Variants in MAGI3 observed in about 807,000 individuals in gnomAD.
MAGI3 encodes membrane-associated guanylate kinase, WW and PDZ domain-containing protein 3.
MAGI3 carries 43 observed loss-of-function variants against 121.8 expected under a neutral mutation model. The observed-to-expected ratio is 0.35, with a 90% confidence interval of 0.28 to 0.46. The LOEUF is 0.46. MAGI3 is among the 20% of genes least tolerant of loss of function. MAGI3 has a pLI of 1.00. For missense variants in MAGI3, 1,547 were observed against 1,797.3 expected (o/e 0.86, Z 2.52); for synonymous variants, 553 against 639.3 (o/e 0.86, Z 2.04).
chr1:113,406,653 T>C (rs889366340), intron 1 of MAGI3, among the ~76,000 whole-genome samples: 1 of 152,064 alleles, frequency 6.6e-6, no homozygotes, highest in Non-Finnish European at 1.5e-5. Flanking sequence ...TGGCACAGGC[T>C]TATAGTCCCA....
At chr1:113,577,460 TGTG>T (rs1199794788) in intron 2 of MAGI3, among the ~76,000 whole-genome samples, 4 of 151,088 alleles carry the variant, frequency 2.6e-5, no homozygotes, top group Non-Finnish European at 5.9e-5. Flanking sequence ...AAAGGAGAAA[TGTG>T]GTGAGAAGTG....
intron 1 of MAGI3, among the ~76,000 whole-genome samples, chr1:113,468,863 T>A (rs918801759): frequency 6.8e-6 from 1 of 147,856 alleles, no homozygotes; most frequent in African/African-American, 2.5e-5. Flanking sequence ...ACAGTGCTAT[T>A]CTGACAGTGA....
At chr1:113,478,653 G>A (rs1655968121) in intron 1 of MAGI3, among the ~76,000 whole-genome samples, 1 of 152,164 alleles carries the variant, frequency 6.6e-6, no homozygotes, top group Non-Finnish European at 1.5e-5. Flanking sequence ...TATATGAGGT[G>A]GCTGTCGGCC....
In MAGI3 at chr1:113,415,089, A is replaced by G. The variant is rs984548691; in HGVS notation, c.316+23740A>G. On this transcript the variant is annotated intron_variant, in intron 1 of 20. Coordinates refer to ENST00000307546, the MANE Select transcript of MAGI3 (RefSeq NM_001142782.2). ...ATCTGAGGCAAATCTTTGCATTTAT[A>G]GAAACTAGAGCAACTTTAAATTCCA... Among the ~76,000 whole-genome samples the G allele has an allele frequency of 2.3e-4, 35 of 152,252 alleles. 1 individual carries two copies. The highest frequency in any genetic ancestry group is 5.9e-5 in the Non-Finnish European group (4 of 67,990).
intron 20 of MAGI3, 91 bp from the exon 21 acceptor site, chr1:113,682,803 TACG>T (rs1371202426): frequency 2.3e-5 from 33 of 1,455,518 alleles, no homozygotes; most frequent in Middle Eastern, 2.5e-4. Context: ...TTTAAGCAGT[TACG>T]ACAATTCAAA....
intron 2 of MAGI3, among the ~76,000 whole-genome samples, chr1:113,564,876 G>A (rs1048667204): frequency 2.6e-5 from 4 of 151,950 alleles, no homozygotes; most frequent in Admixed American, 6.5e-5. Flanking sequence ...TTGAGACAGA[G>A]TCTTGCTCTG....
At chr1:113,673,193 C>T in intron 18 of MAGI3, 129 bp from the exon 19 acceptor site, 2 of 1,142,992 alleles carry the variant, frequency 1.7e-6, no homozygotes, top group Non-Finnish European at 2.5e-6. Context: ...ACCTACATTC[C>T]TTCTTTACAA....
At chr1:113,450,102 G>C (rs750915664) in intron 1 of MAGI3, 10 of 1,464,534 alleles carry the variant, frequency 6.8e-6, no homozygotes, top group Non-Finnish European at 9.5e-6. Flanking sequence ...AACCATAGAA[G>C]TTACGGAAGA....
intron 20 of MAGI3, chr1:113,682,145 T>C: frequency 6.5e-7 from 1 of 1,535,614 alleles, no homozygotes; most frequent in East Asian, 2.3e-5. Flanking sequence ...AGTGACATCT[T>C]TGCTAACTGC....
chr1:113,450,158 A>C lies in MAGI3; in HGVS notation c.316+58809A>C, dbSNP rs1005381628. On this transcript the variant is annotated intron_variant, in intron 1 of 20. Transcript: ENST00000307546. ...GGATTTGCTTTTGTAACTTTTGATG[A>C]GCATGATACAGTTGATAAAATTGTT... 2.0e-6 allele frequency: 3 copies of C among 1,491,612 alleles called. No homozygotes were observed. In the African/African-American group the frequency reaches 4.1e-5, roughly 20 times the overall value. The allele number at this position is 1,491,612 out of a possible 1,614,324, so 92.4% of individuals were successfully genotyped here.
intron 7 of MAGI3, 21 bp from the exon 8 acceptor site, chr1:113,619,715 A>C: frequency 1.3e-6 from 2 of 1,489,234 alleles, no homozygotes; most frequent in Non-Finnish European, 1.9e-6. Context: ...ACTGAAATGT[A>C]TATTTTTCTG....
At chr1:113,440,712 A>G (rs1390432411) in intron 1 of MAGI3, among the ~76,000 whole-genome samples, 1 of 152,196 alleles carries the variant, frequency 6.6e-6, no homozygotes, top group African/African-American at 2.4e-5. Context: ...AGTGTCTTGT[A>G]CAGTTCTGGT....
intron 1 of MAGI3, among the ~76,000 whole-genome samples, chr1:113,411,792 A>G (rs995946265): frequency 6.6e-6 from 1 of 152,084 alleles, no homozygotes; most frequent in African/African-American, 2.4e-5. Context: ...GTTAAAATCA[A>G]TTAAGAATGC....
At chr1:113,609,579 T>G (rs1292806644) in intron 6 of MAGI3, among the ~76,000 whole-genome samples, 1 of 152,226 alleles carries the variant, frequency 6.6e-6, no homozygotes, top group Admixed American at 6.5e-5. Flanking sequence ...AAAGAAAGAT[T>G]AAATTTTTGC....
intron 6 of MAGI3, among the ~76,000 whole-genome samples, chr1:113,605,472 T>TG (rs960145531): frequency 2.0e-5 from 3 of 152,072 alleles, no homozygotes; most frequent in African/African-American, 4.8e-5. Flanking sequence ...AGAAAATGAC[T>TG]GGGGAGAGTA....
At chr1:113,478,972 C>T (rs557717534) in intron 1 of MAGI3, among the ~76,000 whole-genome samples, 1 of 152,204 alleles carries the variant, frequency 6.6e-6, no homozygotes, top group Non-Finnish European at 1.5e-5. Flanking sequence ...GCCCCTCCCC[C>T]AGCCAGGCTG....
At chr1:113,409,940 A>G (rs939580940) in intron 1 of MAGI3, among the ~76,000 whole-genome samples, 12 of 152,268 alleles carry the variant, frequency 7.9e-5, no homozygotes, top group South Asian at 2.1e-4. Flanking sequence ...GGCTGTAGGA[A>G]CTTTTCTGCA....
intron 1 of MAGI3, among the ~76,000 whole-genome samples, chr1:113,544,600 T>C (rs562368329): frequency 1.3e-5 from 2 of 152,290 alleles, no homozygotes; most frequent in Admixed American, 1.3e-4. Flanking sequence ...GAGCACATAA[T>C]CATCACACAG....
chr1:113,414,648 A>G (rs1652203272), intron 1 of MAGI3, among the ~76,000 whole-genome samples: 1 of 152,032 alleles, frequency 6.6e-6, no homozygotes, highest in Non-Finnish European at 1.5e-5. Flanking sequence ...TAGATTTTCT[A>G]GTTTATTTGC....
Sources: gnomAD v4.1 joint callset for allele counts (sites outside exome capture counted in the v4.1 genomes callset) on GRCh38, gnomAD v4.1.1 for gene constraint, MANE v1.5 for transcripts, NCBI Gene and HGNC (gene_info 2026-07-23, HGNC 2026-07-21) for gene names.